The following SELENOF variants were observed in gnomAD, a reference collection of about 807,000 sequenced individuals.
SELENOF encodes the protein 15 kDa selenoprotein.
A neutral mutation model predicts 20.5 loss-of-function variants in SELENOF; 16 were observed. The ratio of observed to expected loss-of-function variants is 0.78; its 90% CI spans 0.53 to 1.19. The LOEUF (loss-of-function observed/expected upper bound fraction) is 1.19, where lower values mean the gene tolerates loss of function less well. Ranked by LOEUF, SELENOF falls within the 50% of genes most tolerant of loss-of-function variation. The pLI is 0.00. For synonymous variants in SELENOF, 78 were observed against 74.5 expected, an observed-to-expected ratio of 1.05 and a Z score of -0.24; for missense variants, 215 against 194.2, an observed-to-expected ratio of 1.11 and a Z score of -0.64.
chr1:86,890,433 G>T (rs569313362), intron 2 of SELENOF, among the ~76,000 whole-genome samples: 42 of 152,132 alleles, frequency 2.8e-4, no homozygotes, highest in African/African-American at 8.7e-4. Context: ...GTATAAAAGG[G>T]TTATAAAATA....
intron 2 of SELENOF, among the ~76,000 whole-genome samples, chr1:86,888,413 G>T (rs1052263025): frequency 1.3e-5 from 2 of 152,108 alleles, no homozygotes; most frequent in African/African-American, 4.8e-5. Context: ...ATATATGGAA[G>T]CAAGGATGCC....
At chr1:86,878,642 A>C (rs1287184875) in intron 3 of SELENOF, among the ~76,000 whole-genome samples, 3 of 152,232 alleles carry the variant, frequency 2.0e-5, no homozygotes, top group African/African-American at 7.2e-5. Flanking sequence ...AAATTGCGCC[A>C]CTGCACTCCA....
intron 2 of SELENOF, among the ~76,000 whole-genome samples, chr1:86,895,934 T>C (rs985266021): frequency 4.6e-5 from 7 of 151,992 alleles, no homozygotes; most frequent in African/African-American, 1.4e-4. Flanking sequence ...ACTAAAGAAA[T>C]AGTGGGATAT....
intron 2 of SELENOF, among the ~76,000 whole-genome samples, chr1:86,894,503 G>C (rs1483043390): frequency 1.3e-5 from 2 of 152,062 alleles, no homozygotes; most frequent in Admixed American, 1.3e-4. Flanking sequence ...TAAAATATGA[G>C]TCTCCTTCAA....
chr1:86,863,659 G>A, intron 4 of SELENOF, 54 bp from the exon 5 acceptor site: 1 of 1,562,812 alleles, frequency 6.4e-7, no homozygotes, highest in South Asian at 1.2e-5. Context: ...AACCTTCTCA[G>A]CCTCATCTAA....
rs754628331 is a variant in SELENOF at position 86,903,358 on chromosome 1, C to A, written c.175G>T (p.Gly59Ter). The A allele has an allele frequency of 6.2e-7, 1 of 1,612,010 alleles. No homozygotes were observed. The highest frequency in any genetic ancestry group is 1.7e-5 in the Admixed American group (1 of 59,758). ...TCCAGCTGAAGCAGGTTGAACTGTC[C>A]GAGAAGATCACAAGAGCTGCAAAGC... ...NLLCSSCDLL[G>*]QFNLLQLDPD... is the part of the protein sequence containing the mutation. Residue 59 changes from glycine (G) to a stop codon, truncating the protein, a stop_gained, in exon 2 of 5, where the codon GGA (glycine) becomes TGA (stop). Coordinates refer to ENST00000331835, the MANE Select transcript of SELENOF (RefSeq NM_004261.5). LOFTEE classifies it high-confidence loss of function.
intron 3 of SELENOF, among the ~76,000 whole-genome samples, chr1:86,869,217 TA>T (rs1345974933): frequency 1.3e-5 from 2 of 152,192 alleles, no homozygotes; most frequent in Non-Finnish European, 2.9e-5. Context: ...ACGTACTTTG[TA>T]AACCTGCAAG....
At chr1:86,905,546 A>G (rs1659806447) in intron 1 of SELENOF, among the ~76,000 whole-genome samples, 1 of 152,218 alleles carries the variant, frequency 6.6e-6, no homozygotes, top group African/African-American at 2.4e-5. Flanking sequence ...GTAAAACAGT[A>G]CCGTTCGTGA....
At chr1:86,912,617 G>A (rs1438911352) in intron 1 of SELENOF, among the ~76,000 whole-genome samples, 2 of 152,226 alleles carry the variant, frequency 1.3e-5, no homozygotes, top group Non-Finnish European at 2.9e-5. Flanking sequence ...TGCCCTGAGA[G>A]TGCCATGAAA....
chr1:86,895,018 TA>T (rs1659483747), intron 2 of SELENOF, among the ~76,000 whole-genome samples: 1 of 152,270 alleles, frequency 6.6e-6, no homozygotes, highest in African/African-American at 2.4e-5. Context: ...AAATTTGTAG[TA>T]TTTTCCTTTT....
chr1:86,864,661 G>A (rs1430924076), intron 4 of SELENOF, among the ~76,000 whole-genome samples: 2 of 145,134 alleles, frequency 1.4e-5, no homozygotes, highest in Non-Finnish European at 3.0e-5. Context: ...TTTTTGGGAT[G>A]GAGTTTCGCT....
intron 2 of SELENOF, among the ~76,000 whole-genome samples, chr1:86,887,399 GTTATTCC>G (rs1659248999): frequency 6.6e-6 from 1 of 152,088 alleles, no homozygotes; most frequent in Admixed American, 6.6e-5. Flanking sequence ...CCATTAAAGT[GTTATTCC>G]TTTTTGTATC....
chr1:86,913,628 C>G (rs991937534), intron 1 of SELENOF, among the ~76,000 whole-genome samples: 4 of 152,172 alleles, frequency 2.6e-5, no homozygotes, highest in Non-Finnish European at 5.9e-5. Context: ...AACTGTTCGC[C>G]TGGACCAACG....
At chr1:86,881,196 C>T (rs1448412340) in intron 2 of SELENOF, among the ~76,000 whole-genome samples, 5 of 117,390 alleles carry the variant, frequency 4.3e-5, no homozygotes, top group Admixed American at 8.0e-5. Flanking sequence ...ATAGAAAGTA[C>T]TATGTGGAGA....
intron 4 of SELENOF, among the ~76,000 whole-genome samples, chr1:86,866,252 G>GTGTT (rs1446350333): frequency 6.8e-5 from 10 of 147,982 alleles, no homozygotes; most frequent in Admixed American, 2.0e-4. Context: ...GTGTGTGTGT[G>GTGTT]TGTGTGTGTG....
At chr1:86,886,813 G>A (rs1659231616) in intron 2 of SELENOF, among the ~76,000 whole-genome samples, 1 of 152,000 alleles carries the variant, frequency 6.6e-6, no homozygotes, top group South Asian at 2.1e-4. Flanking sequence ...ATAAAATGAA[G>A]GGATTTTAAA....
rs527450582 is a variant in SELENOF at position 86,903,186 on chromosome 1, G to C, written c.252+95C>G. On this transcript the variant is annotated intron_variant, in intron 2 of 4. Transcript: ENST00000331835. ...TTTTACTAAAAAATGTAAAAGCTTA[G>C]AGGCTTTTTTACACTTAAATTGATT... 323 of 1,092,656 alleles carry C rather than the reference G, an allele frequency of 3.0e-4. 1 individual carries two copies. In the African/African-American group the frequency reaches 4.8e-3, roughly 16 times the overall value. 67.7% of individuals were successfully genotyped at this position (1,092,656 alleles called of 1,614,324 possible).
At chr1:86,911,477 G>A (rs1253218208) in intron 1 of SELENOF, among the ~76,000 whole-genome samples, 1 of 152,176 alleles carries the variant, frequency 6.6e-6, no homozygotes, top group Non-Finnish European at 1.5e-5. Flanking sequence ...ACAAACAAGT[G>A]CCTCCTTAAG....
chr1:86,869,808 G>C (rs540815691), intron 3 of SELENOF, among the ~76,000 whole-genome samples: 1 of 150,868 alleles, frequency 6.6e-6, no homozygotes, highest in East Asian at 2.0e-4. Flanking sequence ...GGTCAGCCTC[G>C]GTCTTGCCCA....
Sources: allele counts gnomAD v4.1 joint callset (sites outside exome capture counted in the v4.1 genomes callset), GRCh38; gene constraint gnomAD v4.1.1; transcripts MANE v1.5; gene names NCBI Gene and HGNC (gene_info 2026-07-23, HGNC 2026-07-21).